The following NRG3 variants were observed in gnomAD, a reference collection of about 807,000 sequenced individuals.
NRG3 encodes the protein pro-neuregulin-3, membrane-bound isoform.
Under a neutral mutation model 66.9 loss-of-function variants are expected in NRG3, and 31 were observed. The ratio of observed to expected loss-of-function variants is 0.46; its 90% CI spans 0.35 to 0.63. The LOEUF (loss-of-function observed/expected upper bound fraction) is 0.63, where lower values mean the gene tolerates loss of function less well. Among genes scored for constraint, NRG3 ranks in the 20% least tolerant of loss-of-function variants. The pLI, the probability that NRG3 is intolerant of heterozygous loss-of-function variation, is 0.00. For missense variants in NRG3, 910 were observed against 878.9 expected, an observed-to-expected ratio of 1.04 and a Z score of -0.45; for synonymous variants, 393 against 359.4, an observed-to-expected ratio of 1.09 and a Z score of -1.06.
intron 1 of NRG3, among the ~76,000 whole-genome samples, chr10:82,030,075 G>A (rs962541587): frequency 3.9e-5 from 6 of 152,064 alleles, no homozygotes; most frequent in African/African-American, 9.7e-5. Flanking sequence ...TTAATTGCTC[G>A]CTCTTGGCAT....
intron 3 of NRG3, among the ~76,000 whole-genome samples, chr10:82,764,184 G>A (rs571664552): frequency 4.6e-5 from 7 of 151,912 alleles, no homozygotes; most frequent in East Asian, 1.9e-4. Flanking sequence ...ACAGGCATGC[G>A]CCACCACACC....
chr10:82,589,208 G>A (rs2133289867), intron 2 of NRG3, among the ~76,000 whole-genome samples: 1 of 152,252 alleles, frequency 6.6e-6, no homozygotes, highest in East Asian at 1.9e-4. Context: ...TTACCAAAAT[G>A]TAGATAAGAA....
chr10:81,945,991 C>T (rs1280781471), intron 1 of NRG3, among the ~76,000 whole-genome samples: 2 of 152,128 alleles, frequency 1.3e-5, no homozygotes, highest in African/African-American at 2.4e-5. Flanking sequence ...GAACGAACCT[C>T]TCAGAAAGAA....
chr10:82,176,141 A>C (rs1936412039), intron 1 of NRG3, among the ~76,000 whole-genome samples: 1 of 152,172 alleles, frequency 6.6e-6, no homozygotes, highest in Non-Finnish European at 1.5e-5. Context: ...ATTAATATGA[A>C]TCTTCAAGTT....
At chr10:82,507,583 C>T (rs940654024) in intron 2 of NRG3, among the ~76,000 whole-genome samples, 1 of 152,130 alleles carries the variant, frequency 6.6e-6, no homozygotes. Flanking sequence ...CTCTGCTAAA[C>T]ACAGCAGACC....
chr10:82,350,413 A>G (rs532460203), intron 1 of NRG3, among the ~76,000 whole-genome samples: 7 of 152,300 alleles, frequency 4.6e-5, no homozygotes, highest in Non-Finnish European at 1.0e-4. Context: ...AAGATCCCAT[A>G]ATCTAGTTTG....
intron 4 of NRG3, among the ~76,000 whole-genome samples, chr10:82,940,762 T>C (rs1848512932): frequency 6.6e-6 from 1 of 152,080 alleles, no homozygotes; most frequent in Non-Finnish European, 1.5e-5. Context: ...CTTGAGTTTA[T>C]TTTATAAGAG....
intron 1 of NRG3, among the ~76,000 whole-genome samples, chr10:81,998,926 C>G (rs1033302104): frequency 6.6e-6 from 1 of 152,144 alleles, no homozygotes; most frequent in African/African-American, 2.4e-5. Context: ...CACTGATTCT[C>G]CTGTCTCAGC....
At chr10:82,696,833 G>A (rs1173407469) in intron 2 of NRG3, among the ~76,000 whole-genome samples, 1 of 152,184 alleles carries the variant, frequency 6.6e-6, no homozygotes, top group East Asian at 1.9e-4. Context: ...CCGTTTTCAA[G>A]TAAAATGTAT....
chr10:82,666,707 A>C (rs115990172), intron 2 of NRG3, among the ~76,000 whole-genome samples: 2,308 of 152,308 alleles, frequency 0.015, 61 homozygotes, highest in African/African-American at 0.051. Flanking sequence ...TACAAACTGC[A>C]GATCTGACTT....
At chr10:82,437,897 G>T (rs1193132902) in intron 2 of NRG3, among the ~76,000 whole-genome samples, 1 of 152,108 alleles carries the variant, frequency 6.6e-6, no homozygotes, top group Admixed American at 6.5e-5. Flanking sequence ...GAAGGAGCCT[G>T]GTGAACAGCA....
At chr10:82,819,698 G>A (rs754900912) in intron 3 of NRG3, among the ~76,000 whole-genome samples, 10 of 152,184 alleles carry the variant, frequency 6.6e-5, no homozygotes, top group Non-Finnish European at 1.2e-4. Flanking sequence ...TGGTGTTTGT[G>A]CTAATAATGA....
At chr10:82,943,581 A>G (rs998239359) in intron 4 of NRG3, among the ~76,000 whole-genome samples, 2 of 152,222 alleles carry the variant, frequency 1.3e-5, no homozygotes, top group African/African-American at 4.8e-5. Context: ...AGTTCAACAA[A>G]TAGATCAACA....
chr10:82,771,084 G>A (rs140342234), intron 3 of NRG3, among the ~76,000 whole-genome samples: 70 of 152,268 alleles, frequency 4.6e-4, no homozygotes, highest in African/African-American at 1.6e-3. Context: ...TCATGCAAGT[G>A]TCTCAGTACA....
chr10:82,079,949 A>C (rs2065297334), intron 1 of NRG3, among the ~76,000 whole-genome samples: 1 of 152,194 alleles, frequency 6.6e-6, no homozygotes, highest in African/African-American at 2.4e-5. Context: ...GCTATAAATA[A>C]AGAAATCAAG....
At chr10:82,126,732 A>G (rs777823680) in intron 1 of NRG3, among the ~76,000 whole-genome samples, 2 of 152,060 alleles carry the variant, frequency 1.3e-5, no homozygotes, top group African/African-American at 2.4e-5. Flanking sequence ...TGCCTACTTC[A>G]TAGGACTCTA....
At chr10:82,590,175 G>C (rs2046899464) in intron 2 of NRG3, among the ~76,000 whole-genome samples, 1 of 152,144 alleles carries the variant, frequency 6.6e-6, no homozygotes, top group Non-Finnish European at 1.5e-5. Flanking sequence ...CCTCCAATGG[G>C]TGAAGTAGCA....
At chr10:82,264,487 G>T (rs1211486693) in intron 1 of NRG3, among the ~76,000 whole-genome samples, 1 of 152,068 alleles carries the variant, frequency 6.6e-6, no homozygotes, top group East Asian at 1.9e-4. Context: ...TTGAAGGTGA[G>T]ATTTGGGTGG....
At chr10:82,237,629 G>A (rs1048391807) in intron 1 of NRG3, among the ~76,000 whole-genome samples, 5 of 151,484 alleles carry the variant, frequency 3.3e-5, no homozygotes, top group Admixed American at 2.0e-4. Flanking sequence ...TCAATCATTT[G>A]ATCAATCAAC....
Sources: gnomAD v4.1 joint callset for allele counts (sites outside exome capture counted in the v4.1 genomes callset) on GRCh38, gnomAD v4.1.1 for gene constraint, MANE v1.5 for transcripts, NCBI Gene and HGNC (gene_info 2026-07-23, HGNC 2026-07-21) for gene names.